The following COL4A2 variants were observed in gnomAD, a reference collection of about 807,000 sequenced individuals.
COL4A2 encodes collagen type IV alpha 2 chain.
In COL4A2, 99 loss-of-function variants were observed where a neutral mutation model predicts 200.2. The ratio of observed to expected loss-of-function variants is 0.49; its 90% CI spans 0.42 to 0.58. The LOEUF (loss-of-function observed/expected upper bound fraction) is 0.58, where lower values mean the gene tolerates loss of function less well. Among genes scored for constraint, COL4A2 ranks in the 20% least tolerant of loss-of-function variants. The pLI is 0.00. For missense variants in COL4A2, 1,950 were observed against 2,314.1 expected (o/e 0.84, Z 3.23); for synonymous variants, 897 against 900.6 (o/e 1.00, Z 0.07).
intron 3 of COL4A2, among the ~76,000 whole-genome samples, chr13:110,337,668 CTCCA>C (rs1876262657): frequency 6.6e-6 from 1 of 152,214 alleles, no homozygotes; most frequent in African/African-American, 2.4e-5. Context: ...AAAGGTCCTG[CTCCA>C]CATCTGACCG....
chr13:110,450,948 C>A (rs1881520700), intron 20 of COL4A2, among the ~76,000 whole-genome samples: 1 of 152,166 alleles, frequency 6.6e-6, no homozygotes, highest in African/African-American at 2.4e-5. Flanking sequence ...TACAACTGAA[C>A]AGGTGAGAGT....
intron 39 of COL4A2, among the ~76,000 whole-genome samples, chr13:110,493,937 C>T (rs1566566219): frequency 6.6e-6 from 1 of 152,132 alleles, no homozygotes; most frequent in East Asian, 1.9e-4. Flanking sequence ...CATGACCTGG[C>T]CTAACCCTAA....
chr13:110,335,426 A>C (rs1398680436), intron 3 of COL4A2, among the ~76,000 whole-genome samples: 4 of 152,110 alleles, frequency 2.6e-5, no homozygotes, highest in African/African-American at 9.7e-5. Flanking sequence ...ATGGTTTAAT[A>C]AGGGGAAACC....
At chr13:110,394,188 G>A (rs1041133111) in intron 4 of COL4A2, among the ~76,000 whole-genome samples, 1 of 152,176 alleles carries the variant, frequency 6.6e-6, no homozygotes, top group Non-Finnish European at 1.5e-5. Context: ...TTTTATAATC[G>A]TAAAACAAGA....
chr13:110,426,349 G>C (rs1481643548), intron 6 of COL4A2, among the ~76,000 whole-genome samples: 1 of 152,148 alleles, frequency 6.6e-6, no homozygotes, highest in African/African-American at 2.4e-5. Context: ...TCACAAACTA[G>C]GGAAGAAGTA....
intron 21 of COL4A2, chr13:110,458,186 G>C: frequency 2.2e-6 from 1 of 461,034 alleles, no homozygotes; most frequent in Non-Finnish European, 4.5e-6. Flanking sequence ...GCAGGACCTG[G>C]AGGAAGTGGG....
chr13:110,403,804 A>T lies in COL4A2; in HGVS notation c.181-20930A>T, dbSNP rs188151279. Among the ~76,000 whole-genome samples, 15 of 152,292 alleles carry T rather than the reference A, an allele frequency of 9.8e-5. No individual in the cohort carries two copies. The East Asian group carries it at 2.9e-3, about 29-fold the overall frequency. ...TTAATACCAGTTTCTGTCTCAGTCC[A>T]TTCGTAGTCCATGCTATAACAAAAA... is the stretch of plus-strand genomic sequence containing the variant. On this transcript the variant is annotated intron_variant, in intron 4 of 47. Coordinates refer to ENST00000360467, the MANE Select transcript of COL4A2 (RefSeq NM_001846.4).
chr13:110,421,217 A>G (rs1880238568), intron 4 of COL4A2, among the ~76,000 whole-genome samples: 1 of 152,228 alleles, frequency 6.6e-6, no homozygotes, highest in South Asian at 2.1e-4. Context: ...GTGCACACAT[A>G]TTTACAGCAG....
chr13:110,334,338 GCAC>G (rs1218960388), intron 3 of COL4A2, among the ~76,000 whole-genome samples: 1 of 152,164 alleles, frequency 6.6e-6, no homozygotes, highest in Non-Finnish European at 1.5e-5. Context: ...CCTGTTGTGA[GCAC>G]CACCACCATC....
intron 3 of COL4A2, among the ~76,000 whole-genome samples, chr13:110,311,500 G>C (rs1181671328): frequency 6.6e-6 from 1 of 152,128 alleles, no homozygotes; most frequent in Non-Finnish European, 1.5e-5. Context: ...CTGCGTCCTA[G>C]TTCTCCTCTC....
intron 4 of COL4A2, among the ~76,000 whole-genome samples, chr13:110,406,128 G>A (rs918806533): frequency 6.6e-6 from 1 of 152,198 alleles, no homozygotes; most frequent in Non-Finnish European, 1.5e-5. Context: ...AAACTGAGCA[G>A]CCAGTAAATT....
chr13:110,424,646 A>AAC (rs1880395875), intron 4 of COL4A2, 88 bp from the exon 5 acceptor site: 1 of 907,826 alleles, frequency 1.1e-6, no homozygotes, highest in African/African-American at 1.7e-5. Flanking sequence ...AAAACAAAAA[A>AAC]AAAAATGTAG....
chr13:110,354,971 G>C (rs113115233), intron 3 of COL4A2, among the ~76,000 whole-genome samples: 3 of 152,348 alleles, frequency 2.0e-5, no homozygotes, highest in African/African-American at 7.2e-5. Flanking sequence ...GAAGGTTCCA[G>C]CAGACCCGCT....
At chr13:110,436,747 T>C (rs1880902135) in intron 13 of COL4A2, among the ~76,000 whole-genome samples, 1 of 152,220 alleles carries the variant, frequency 6.6e-6, no homozygotes, top group Admixed American at 6.5e-5. Context: ...AACCTACTTC[T>C]TTGCTGACAT....
rs749670382 is a variant in COL4A2, at chr13:110,478,176, G to A, written c.2587+12G>A. ...CCCAGGCCGTGAAGGTAAGACCCCA[G>A]CCCTCCCATAAACGAGTGGGGTCCT... On this transcript the variant is annotated intron_variant, in intron 30 of 47. Coordinates refer to ENST00000360467, the MANE Select transcript of COL4A2 (RefSeq NM_001846.4). 6.4e-7 allele frequency: 1 copy of A among 1,561,704 alleles called. No individual in the cohort carries two copies. Among genetic ancestry groups the A allele is most frequent in the Admixed American group, 1.9e-5 (1 of 53,236 alleles).
At chr13:110,468,135 A>G (rs1309009645) in intron 27 of COL4A2, 6 of 471,038 alleles carry the variant, frequency 1.3e-5, no homozygotes, top group Non-Finnish European at 2.6e-5. Context: ...AGGAAAGTGG[A>G]CGGACACATT....
chr13:110,392,440 AGCTG>A (rs1338691974), intron 4 of COL4A2, among the ~76,000 whole-genome samples: 2 of 152,176 alleles, frequency 1.3e-5, no homozygotes, highest in Non-Finnish European at 2.9e-5. Flanking sequence ...AGGAACCAGG[AGCTG>A]GGACCCTCGA....
At chr13:110,317,962 C>A (rs894660157) in intron 3 of COL4A2, among the ~76,000 whole-genome samples, 1 of 152,184 alleles carries the variant, frequency 6.6e-6, no homozygotes, top group Non-Finnish European at 1.5e-5. Flanking sequence ...AGCTTCCTTA[C>A]GCTGGGTCTT....
intron 3 of COL4A2, among the ~76,000 whole-genome samples, chr13:110,346,365 CT>C (rs1876698721): frequency 6.6e-6 from 1 of 152,136 alleles, no homozygotes; most frequent in South Asian, 2.1e-4. Flanking sequence ...CTTCAGCGGT[CT>C]TAGCCGTTGA....
Sources: allele counts gnomAD v4.1 joint callset (sites outside exome capture counted in the v4.1 genomes callset), GRCh38; gene constraint gnomAD v4.1.1; transcripts MANE v1.5; gene names NCBI Gene and HGNC (gene_info 2026-07-23, HGNC 2026-07-21).